Variants in EPYC observed in about 807,000 individuals in gnomAD.
EPYC encodes epiphycan.
A neutral mutation model predicts 30.1 loss-of-function variants in EPYC; 28 were observed. That is an observed-to-expected ratio of 0.93 (90% CI 0.69 to 1.28). The LOEUF (loss-of-function observed/expected upper bound fraction) is 1.28. EPYC is among the 50% of genes most tolerant of loss of function. EPYC has a pLI of 0.00. For synonymous variants in EPYC, 144 were observed against 141.4 expected (o/e 1.02, Z -0.13); for missense variants, 382 against 383.5 (o/e 1.00, Z 0.03).
chr12:90,970,675 A>G (rs1185559754), intron 5 of EPYC, among the ~76,000 whole-genome samples: 2 of 152,208 alleles, frequency 1.3e-5, no homozygotes, highest in Admixed American at 1.3e-4. Context: ...ACCTGTGCCA[A>G]CACAGGCAGA....
At position 90,971,876 on chromosome 12, in the gene EPYC, A is replaced by G; in HGVS notation, c.626T>C (p.Leu209Ser). 6.2e-7 allele frequency: 1 copy of G among 1,612,394 alleles called. No individual in the cohort carries two copies. The highest frequency in any genetic ancestry group is 8.5e-7 in the Non-Finnish European group (1 of 1,179,302). Residue 209 changes from leucine (L) to serine (S), a missense_variant, in exon 5 of 7, where the codon TTG becomes TCG. Coordinates refer to ENST00000261172, the MANE Select transcript of EPYC (RefSeq NM_004950.5). The stretch of plus-strand genomic sequence containing the variant: ...ATCAATAAATGTCAAAGTGGTTGGC[A>G]ATTCTGGGAGCTGCCTTATTTTGTT... ...RDNKIRQLPE[L>S]PTTLTFIDIS...
At chr12:90,971,302 A>G (rs538956010) in intron 5 of EPYC, among the ~76,000 whole-genome samples, 3 of 152,208 alleles carry the variant, frequency 2.0e-5, no homozygotes, top group Admixed American at 6.5e-5. Flanking sequence ...GTACCAGAAT[A>G]TGGTGTTTCT....
chr12:90,992,971 A>C (rs1877620164), intron 2 of EPYC, among the ~76,000 whole-genome samples: 1 of 150,028 alleles, frequency 6.7e-6, no homozygotes, highest in Non-Finnish European at 1.5e-5. Flanking sequence ...GCATTTCTCC[A>C]AATTGTGTTT....
Position 90,970,074 on chromosome 12 carries a change from G to T in EPYC, c.768C>A (p.Leu256=), listed in dbSNP as rs114357917. The T allele has an allele frequency of 6.2e-7, 1 of 1,613,980 alleles. No homozygotes were observed. Among genetic ancestry groups the T allele is most frequent in the Non-Finnish European group, 8.5e-7 (1 of 1,179,856 alleles). Residue 256 remains leucine (L), a synonymous_variant, in exon 6 of 7, where the codon CTC becomes CTA. Coordinates refer to ENST00000261172, the MANE Select transcript of EPYC (RefSeq NM_004950.5). ...GGTGAAGGGCTCGTAGATTTTCTGG[G>T]AGTGGCAGAGGGATGTGGTCCAAGT... ...DNNLDHIPLP[L]PENLRALHLQ...
At chr12:90,973,505 C>T (rs1592623812) in intron 3 of EPYC, among the ~76,000 whole-genome samples, 1 of 152,298 alleles carries the variant, frequency 6.6e-6, no homozygotes, top group African/African-American at 2.4e-5. Flanking sequence ...ATGTTAATCA[C>T]ACAAATGAAA....
intron 4 of EPYC, among the ~76,000 whole-genome samples, chr12:90,972,215 C>T (rs1196292296): frequency 2.6e-5 from 4 of 152,144 alleles, no homozygotes; most frequent in Admixed American, 2.6e-4. Context: ...TGGTACACCA[C>T]GTTTAAAATA....
chr12:90,970,454 G>C (rs1390699935), intron 5 of EPYC, among the ~76,000 whole-genome samples: 2 of 152,182 alleles, frequency 1.3e-5, no homozygotes, highest in Non-Finnish European at 2.9e-5. Context: ...TTCTTCCTAT[G>C]AAAGGCATTC....
At chr12:90,994,642 A>C (rs1877658443) in intron 2 of EPYC, among the ~76,000 whole-genome samples, 1 of 152,144 alleles carries the variant, frequency 6.6e-6, no homozygotes, top group African/African-American at 2.4e-5. Context: ...GCTCAAGCAG[A>C]GCCAAATTGG....
intron 2 of EPYC, among the ~76,000 whole-genome samples, chr12:90,983,622 C>T (rs529331490): frequency 4.6e-5 from 7 of 152,136 alleles, no homozygotes; most frequent in Middle Eastern, 3.4e-3. Context: ...TGCAGCCATG[C>T]GAGGAACTCT....
intron 2 of EPYC, among the ~76,000 whole-genome samples, chr12:90,990,535 C>T (rs1877558107): frequency 6.6e-6 from 1 of 152,042 alleles, no homozygotes; most frequent in African/African-American, 2.4e-5. Context: ...GATTTTATCT[C>T]CTGGGGCAAA....
chr12:90,968,212 T>C (rs1018059744), intron 6 of EPYC, among the ~76,000 whole-genome samples: 1 of 152,210 alleles, frequency 6.6e-6, no homozygotes, highest in Non-Finnish European at 1.5e-5. Flanking sequence ...GCTATTCCCT[T>C]TGATATGTGA....
intron 2 of EPYC, among the ~76,000 whole-genome samples, chr12:90,987,156 A>G (rs1877469951): frequency 6.6e-6 from 1 of 152,138 alleles, no homozygotes; most frequent in African/African-American, 2.4e-5. Context: ...TTGATCAAAA[A>G]TGCCTAAATT....
chr12:90,993,521 C>A (rs1017205613), intron 2 of EPYC, among the ~76,000 whole-genome samples: 2 of 152,072 alleles, frequency 1.3e-5, no homozygotes, highest in East Asian at 3.9e-4. Context: ...TTTAGCATTA[C>A]TGCCCAGAAA....
intron 2 of EPYC, among the ~76,000 whole-genome samples, chr12:90,993,896 ATACTT>A (rs1398231297): frequency 6.6e-6 from 1 of 152,128 alleles, no homozygotes; most frequent in Non-Finnish European, 1.5e-5. Context: ...AAATGAGTAA[ATACTT>A]TATATCTCAG....
intron 2 of EPYC, among the ~76,000 whole-genome samples, chr12:90,991,763 T>C (rs1349718013): frequency 6.6e-6 from 1 of 152,126 alleles, no homozygotes; most frequent in Non-Finnish European, 1.5e-5. Flanking sequence ...GTCCAGGGTA[T>C]GGCTTAGGCA....
intron 2 of EPYC, among the ~76,000 whole-genome samples, chr12:90,982,833 G>C (rs1250203047): frequency 6.6e-6 from 1 of 151,942 alleles, no homozygotes; most frequent in East Asian, 1.9e-4. Context: ...TCTTTTTTGT[G>C]TCTGAATAGT....
At chr12:90,989,560 A>G (rs1877533849) in intron 2 of EPYC, among the ~76,000 whole-genome samples, 1 of 151,990 alleles carries the variant, frequency 6.6e-6, no homozygotes, top group Non-Finnish European at 1.5e-5. Context: ...TCATAGATTC[A>G]TAACTCTAAA....
intron 6 of EPYC, among the ~76,000 whole-genome samples, chr12:90,966,920 T>G (rs747050535): frequency 6.6e-6 from 1 of 152,126 alleles, no homozygotes; most frequent in Non-Finnish European, 1.5e-5. Context: ...ACAGTTGTTA[T>G]AGTAATCCTT....
At chr12:90,982,189 A>G (rs1877338759) in intron 2 of EPYC, among the ~76,000 whole-genome samples, 1 of 152,134 alleles carries the variant, frequency 6.6e-6, no homozygotes, top group African/African-American at 2.4e-5. Context: ...CTAAATTACT[A>G]TCCTCTCTTA....
Sources: gnomAD v4.1 joint callset for allele counts (sites outside exome capture counted in the v4.1 genomes callset) on GRCh38, gnomAD v4.1.1 for gene constraint, MANE v1.5 for transcripts, NCBI Gene and HGNC (gene_info 2026-07-23, HGNC 2026-07-21) for gene names.